Variants in MAP3K20 observed in about 807,000 individuals in gnomAD.
The protein encoded by MAP3K20 is mitogen-activated protein kinase kinase kinase 20, also known as HCCS-4.
In MAP3K20, 40 loss-of-function variants were observed where a neutral mutation model predicts 85.7. That is an observed-to-expected ratio of 0.47 (90% CI 0.36 to 0.61). The LOEUF is 0.61. MAP3K20 is among the 20% of genes least tolerant of loss of function. The pLI, the probability that MAP3K20 is intolerant of heterozygous loss-of-function variation, is 0.00. For synonymous variants in MAP3K20, 325 were observed against 327.7 expected, an observed-to-expected ratio of 0.99 and a Z score of 0.09; for missense variants, 817 against 961.7, an observed-to-expected ratio of 0.85 and a Z score of 1.99.
intron 2 of MAP3K20, among the ~76,000 whole-genome samples, chr2:173,129,238 TAAATC>T (rs1479524598): frequency 1.3e-5 from 2 of 152,202 alleles, no homozygotes; most frequent in African/African-American, 4.8e-5. Flanking sequence ...CTTAAACATT[TAAATC>T]AAAGTTGTAG....
chr2:173,107,940 T>A (rs1687830668), intron 2 of MAP3K20, among the ~76,000 whole-genome samples: 1 of 152,154 alleles, frequency 6.6e-6, no homozygotes, highest in African/African-American at 2.4e-5. Context: ...TTAGCACTAT[T>A]TCAGCATAAC....
chr2:173,235,527 C>G (rs1005379595), intron 14 of MAP3K20, among the ~76,000 whole-genome samples: 1 of 152,110 alleles, frequency 6.6e-6, no homozygotes. Flanking sequence ...CCTGAATAGG[C>G]GAATCCATAG....
intron 2 of MAP3K20, among the ~76,000 whole-genome samples, chr2:173,139,879 T>C (rs1479679316): frequency 6.6e-6 from 1 of 152,128 alleles, no homozygotes; most frequent in African/African-American, 2.4e-5. Context: ...TTCCATGTTA[T>C]ATTTACTTCC....
At chr2:173,207,360 C>T (rs960533548) in intron 9 of MAP3K20, among the ~76,000 whole-genome samples, 3 of 152,078 alleles carry the variant, frequency 2.0e-5, no homozygotes, top group Admixed American at 6.6e-5. Context: ...GGCGTGGTGG[C>T]GCGTTCCTGT....
At position 173,198,211 on chromosome 2, in the gene MAP3K20, C is replaced by A; in HGVS notation, c.669+99C>A. 8.9e-7 allele frequency: 1 copy of A among 1,118,680 alleles called. No homozygotes were observed. The highest frequency in any genetic ancestry group is 1.3e-6 in the Non-Finnish European group (1 of 772,578). 69.3% of individuals were successfully genotyped at this position (1,118,680 alleles called of 1,614,324 possible). A position where few individuals can be genotyped will look rare whatever the true frequency, so the allele number is the denominator to read the frequency against. On this transcript the variant is annotated intron_variant, in intron 8 of 19. Coordinates refer to ENST00000375213, the MANE Select transcript of MAP3K20 (RefSeq NM_016653.3). This position sits in a 1 kb window ranked among gnomAD's most constrained non-coding sequence, Gnocchi z 5.8. ...CTTCTTCAAATTGAAAGTAAGTTCA[C>A]GCTTATGGAAAGATTAGCAGTAGGA...
At chr2:173,201,890 T>A (rs1574103848) in intron 8 of MAP3K20, among the ~76,000 whole-genome samples, 2 of 152,198 alleles carry the variant, frequency 1.3e-5, no homozygotes, top group Non-Finnish European at 2.9e-5. Context: ...TTTCCTTGTG[T>A]AATGACTTCG....
intron 16 of MAP3K20, among the ~76,000 whole-genome samples, chr2:173,245,683 G>A (rs1412309787): frequency 6.6e-6 from 1 of 152,184 alleles, no homozygotes. Context: ...TGTAATCCCA[G>A]CACTTTGGGA....
chr2:173,151,161 G>A lies in MAP3K20; in HGVS notation c.160-18644G>A, dbSNP rs192756084. Among the ~76,000 whole-genome samples the A allele has an allele frequency of 2.6e-5, 4 of 152,130 alleles. 1 individual carries two copies. Among genetic ancestry groups the A allele is most frequent in the African/African-American group, 9.6e-5 (4 of 41,482 alleles). On this transcript the variant is annotated intron_variant, in intron 2 of 19. Transcript: ENST00000375213. ...TTAGACAATAACAAGTGTTGGCAAGGGTGTAGAGAAGTTAGAACCCACAAA... is the reference window on the plus strand; with the variant it reads ...TTAGACAATAACAAGTGTTGGCAAGAGTGTAGAGAAGTTAGAACCCACAAA...
chr2:173,103,079 A>G (rs1459745806), intron 2 of MAP3K20, among the ~76,000 whole-genome samples: 2 of 152,146 alleles, frequency 1.3e-5, no homozygotes, highest in African/African-American at 4.8e-5. Flanking sequence ...AAAAGAAAAA[A>G]AGAAATATAT....
intron 12 of MAP3K20, among the ~76,000 whole-genome samples, chr2:173,231,805 C>A (rs1684528837): frequency 6.6e-6 from 1 of 152,230 alleles, no homozygotes; most frequent in Non-Finnish European, 1.5e-5. Flanking sequence ...TTCCTTCTGT[C>A]TGTTGCTCTG....
chr2:173,226,269 A>G (rs1684385174), intron 11 of MAP3K20: 3 of 985,292 alleles, frequency 3.0e-6, no homozygotes, highest in Admixed American at 6.1e-5. Flanking sequence ...CAGAGTTTTC[A>G]TTGGAATGGT....
chr2:173,170,010 A>G (rs1574075359), intron 3 of MAP3K20, 118 bp downstream of exon 3: 1 of 899,796 alleles, frequency 1.1e-6, no homozygotes, highest in East Asian at 2.6e-5. Flanking sequence ...GTCAGATGTC[A>G]CTTTTGTTGC....
intron 11 of MAP3K20, chr2:173,221,290 G>A: frequency 6.2e-7 from 1 of 1,614,054 alleles, no homozygotes; most frequent in Non-Finnish European, 8.5e-7. Context: ...CAAGTCTGCA[G>A]GCCATGATGC....
At position 173,099,576 on chromosome 2, in the gene MAP3K20, T is replaced by C. The variant is rs144978586; in HGVS notation, c.159+8386T>C. ...ATTACTTTTTTAATTTTTGTAACCTTGTTCACATTCTTTCCTTCACTTGTA... is the reference window on the plus strand; with the variant it reads ...ATTACTTTTTTAATTTTTGTAACCTCGTTCACATTCTTTCCTTCACTTGTA... On this transcript the variant is annotated intron_variant, in intron 2 of 19. Coordinates refer to ENST00000375213, the MANE Select transcript of MAP3K20 (RefSeq NM_016653.3). 3.0e-4 allele frequency among the ~76,000 whole-genome samples: 46 copies of C among 152,280 alleles called. No individual in the cohort carries two copies. In the East Asian group the frequency reaches 7.7e-3, roughly 26 times the overall value.
At chr2:173,255,707 G>A (rs761868054) in intron 16 of MAP3K20, among the ~76,000 whole-genome samples, 10 of 152,340 alleles carry the variant, frequency 6.6e-5, no homozygotes, top group South Asian at 4.1e-4. Flanking sequence ...TGAAGCAGGG[G>A]AAGTTCAGGC....
At chr2:173,212,002 T>C (rs1683913582) in intron 10 of MAP3K20, 1 of 152,224 alleles carries the variant, frequency 6.6e-6, no homozygotes, top group African/African-American at 2.4e-5. Context: ...CGTTTGTTCA[T>C]CACTCACAGC....
At chr2:173,086,283 C>G (rs945581852) in intron 1 of MAP3K20, among the ~76,000 whole-genome samples, 2 of 152,098 alleles carry the variant, frequency 1.3e-5, no homozygotes, top group Non-Finnish European at 2.9e-5. Context: ...ATATAAATAA[C>G]TAGCACTCAG....
chr2:173,126,553 T>A (rs942859193), intron 2 of MAP3K20, among the ~76,000 whole-genome samples: 3 of 152,126 alleles, frequency 2.0e-5, no homozygotes, highest in African/African-American at 7.2e-5. Flanking sequence ...CTAATTTTCA[T>A]ATTTTTAGTA....
chr2:173,256,492 GATAGATAGATAGATAGATA>G lies in MAP3K20; in HGVS notation c.1360-2206_1360-2188del, dbSNP rs1303307043. On this transcript the variant is annotated intron_variant, in intron 16 of 19. Transcript: ENST00000375213. The stretch of plus-strand genomic sequence containing the variant: ...AGAAATTTAAAAAAATAGATAGATA[GATAGATAGATAGATAGATA>G]GATAGATAGATAGATAGATAGACAG... Among the ~76,000 whole-genome samples the G allele has an allele frequency of 8.1e-4, 3 of 3,694 alleles. No individual in the cohort carries two copies. The Non-Finnish European group carries it at 0.011, about 14-fold the overall frequency. 2.4% of individuals were successfully genotyped at this position (3,694 alleles called of 152,430 possible).
Sources: gnomAD v4.1 joint callset for allele counts (sites outside exome capture counted in the v4.1 genomes callset) on GRCh38, gnomAD v4.1.1 for gene constraint, Gnocchi (gnomAD v3.1) non-coding constraint, MANE v1.5 for transcripts, NCBI Gene and HGNC (gene_info 2026-07-23, HGNC 2026-07-21) for gene names.